Variants in GLIS1 observed in about 807,000 individuals in gnomAD.
The protein encoded by GLIS1 is zinc finger protein GLIS1.
In GLIS1, 24 loss-of-function variants were observed where a neutral mutation model predicts 63.8. The ratio of observed to expected loss-of-function variants is 0.38; its 90% CI spans 0.27 to 0.53. The LOEUF (loss-of-function observed/expected upper bound fraction) is 0.53, where lower values mean the gene tolerates loss of function less well. Ranked by LOEUF, GLIS1 falls within the 20% of genes least tolerant of loss-of-function variation. GLIS1 has a pLI of 0.85. For synonymous variants in GLIS1, 450 were observed against 482.5 expected, an observed-to-expected ratio of 0.93 and a Z score of 0.88; for missense variants, 1,036 against 1,074.1, an observed-to-expected ratio of 0.96 and a Z score of 0.50.
chr1:53,529,724 C>G, intron 5 of GLIS1, 67 bp downstream of exon 5: 6 of 1,519,260 alleles, frequency 3.9e-6, no homozygotes, highest in Non-Finnish European at 5.4e-6. Flanking sequence ...AGGGGCTCTG[C>G]ACTGAATGAG....
chr1:53,638,634 G>A (rs1162215708), intron 2 of GLIS1, among the ~76,000 whole-genome samples: 2 of 152,166 alleles, frequency 1.3e-5, no homozygotes, highest in South Asian at 4.1e-4. Context: ...TGGCGTCTGG[G>A]GGCAGAGAGT....
At chr1:53,649,362 T>A (rs1485756766) in intron 2 of GLIS1, among the ~76,000 whole-genome samples, 1 of 152,246 alleles carries the variant, frequency 6.6e-6, no homozygotes, top group African/African-American at 2.4e-5. Flanking sequence ...CATAGCCACC[T>A]CCTGTTGCTA....
At chr1:53,661,682 C>T (rs1054863519) in intron 2 of GLIS1, among the ~76,000 whole-genome samples, 3 of 152,174 alleles carry the variant, frequency 2.0e-5, no homozygotes, top group South Asian at 2.1e-4. Flanking sequence ...AGCAGCCACC[C>T]GAGACTCCTC....
At chr1:53,567,805 C>T (rs1008401504) in intron 4 of GLIS1, among the ~76,000 whole-genome samples, 1 of 152,196 alleles carries the variant, frequency 6.6e-6, no homozygotes, top group Admixed American at 6.5e-5. Context: ...TGGTGTTGGG[C>T]CTGCAGGTGC....
At chr1:53,544,454 C>G (rs188285964) in intron 4 of GLIS1, among the ~76,000 whole-genome samples, 29 of 152,314 alleles carry the variant, frequency 1.9e-4, no homozygotes, top group Admixed American at 3.9e-4. Flanking sequence ...CCTGGCCCCC[C>G]ACCTCTAGGC....
chr1:53,558,350 G>A (rs540088892), intron 4 of GLIS1, among the ~76,000 whole-genome samples: 45 of 152,312 alleles, frequency 3.0e-4, no homozygotes, highest in Admixed American at 7.2e-4. Flanking sequence ...GCCTATGGAG[G>A]CCTCACTGTC....
At chr1:53,671,958 T>C (rs1646157038) in intron 2 of GLIS1, among the ~76,000 whole-genome samples, 2 of 152,216 alleles carry the variant, frequency 1.3e-5, no homozygotes, top group African/African-American at 4.8e-5. Flanking sequence ...GGAATCTTCA[T>C]TCCCACTTCC....
chr1:53,573,884 T>A (rs182332561), intron 4 of GLIS1, among the ~76,000 whole-genome samples: 2 of 152,312 alleles, frequency 1.3e-5, no homozygotes, highest in African/African-American at 4.8e-5. Context: ...CCTTGGTTGC[T>A]CAGCAAGCCT....
intron 2 of GLIS1, among the ~76,000 whole-genome samples, chr1:53,726,356 A>C (rs533757196): frequency 1.3e-5 from 2 of 152,172 alleles, no homozygotes; most frequent in African/African-American, 4.8e-5. Flanking sequence ...CTGCGCAAGG[A>C]GTGAATGTAG....
chr1:53,660,750 G>A (rs896864564), intron 2 of GLIS1, among the ~76,000 whole-genome samples: 1 of 152,320 alleles, frequency 6.6e-6, no homozygotes, highest in Admixed American at 6.5e-5. Flanking sequence ...TTGCTATCTG[G>A]CTGGATGGGG....
At chr1:53,617,644 G>GA (rs1233311295) in intron 2 of GLIS1, among the ~76,000 whole-genome samples, 1 of 152,264 alleles carries the variant, frequency 6.6e-6, no homozygotes, top group African/African-American at 2.4e-5. Flanking sequence ...CTGAGTGTGT[G>GA]AATGTGGAAA....
At position 53,511,942 on chromosome 1, in the gene GLIS1, C is replaced by A. The variant is rs1183873773; in HGVS notation, c.1884-1915G>T. On this transcript the variant is annotated intron_variant, in intron 8 of 10. Transcript: ENST00000628545. This position sits in a 1 kb window ranked among gnomAD's most constrained non-coding sequence, Gnocchi z 4.2. ...CCCTTCTCGGTCACCCGGTGCCCAG[C>A]GCTGGGCATGGCACACAGTGAAAAA... 1.3e-5 allele frequency among the ~76,000 whole-genome samples: 2 copies of A among 152,334 alleles called. No homozygotes were observed. The highest frequency in any genetic ancestry group is 1.9e-4 in the East Asian group (1 of 5,176).
At chr1:53,580,458 A>G (rs759040144) in intron 4 of GLIS1, among the ~76,000 whole-genome samples, 26 of 152,196 alleles carry the variant, frequency 1.7e-4, no homozygotes, top group Non-Finnish European at 1.2e-4. Flanking sequence ...GATATGCTCC[A>G]AATCCATGAA....
In GLIS1 at chr1:53,631,981, G is replaced by A. The variant is rs1170976978; in HGVS notation, c.260-31703C>T. On this transcript the variant is annotated intron_variant, in intron 2 of 10. Coordinates refer to ENST00000628545, the MANE Select transcript of GLIS1 (RefSeq NM_001367484.1). ...GTGTGTGAATGAGTGTGAGGGATGTGTGAATGAGTGTGACTAAGGGGCGTG... is the reference window on the plus strand; with the variant it reads ...GTGTGTGAATGAGTGTGAGGGATGTATGAATGAGTGTGACTAAGGGGCGTG... 4.0e-5 allele frequency among the ~76,000 whole-genome samples: 6 copies of A among 151,712 alleles called. No individual in the cohort carries two copies. The South Asian group carries it at 1.0e-3, about 26-fold the overall frequency.
At chr1:53,657,451 G>C (rs565260989) in intron 2 of GLIS1, among the ~76,000 whole-genome samples, 1 of 152,194 alleles carries the variant, frequency 6.6e-6, no homozygotes, top group South Asian at 2.1e-4. Flanking sequence ...GGTCTGGTGT[G>C]GCCTGTGACT....
chr1:53,507,236 A>T (rs1644243973), intron 10 of GLIS1, among the ~76,000 whole-genome samples: 1 of 152,182 alleles, frequency 6.6e-6, no homozygotes. Context: ...GGCACTTAGT[A>T]AGTGCTCATT....
chr1:53,630,788 T>A lies in GLIS1; in HGVS notation c.260-30510A>T, dbSNP rs922923936. On this transcript the variant is annotated intron_variant, in intron 2 of 10. Transcript: ENST00000628545. ...CTGGGATTACAGGCATGAGCCATCG[T>A]GCCCAGCCAGAGGGAGCCAATTTCA... Among the ~76,000 whole-genome samples the A allele has an allele frequency of 2.0e-5, 3 of 152,228 alleles. No homozygotes were observed. In the South Asian group the frequency reaches 6.2e-4, roughly 31 times the overall value.
intron 4 of GLIS1, among the ~76,000 whole-genome samples, chr1:53,571,545 G>T (rs1250408264): frequency 6.6e-6 from 1 of 152,100 alleles, no homozygotes; most frequent in African/African-American, 2.4e-5. Context: ...TAGTGAAAAT[G>T]AATGAATTAT....
At chr1:53,583,091 A>C (rs1187337838) in intron 4 of GLIS1, among the ~76,000 whole-genome samples, 2 of 152,176 alleles carry the variant, frequency 1.3e-5, no homozygotes, top group Non-Finnish European at 2.9e-5. Flanking sequence ...GAATACACTC[A>C]CATTTAAATG....
Sources: allele counts gnomAD v4.1 joint callset (sites outside exome capture counted in the v4.1 genomes callset), GRCh38; gene constraint gnomAD v4.1.1; non-coding constraint Gnocchi (gnomAD v3.1); transcripts MANE v1.5; gene names NCBI Gene and HGNC (gene_info 2026-07-23, HGNC 2026-07-21).